ATRNL1: variants seen among roughly 807,000 people sequenced by gnomAD.
The protein encoded by ATRNL1 is attractin-like protein 1.
Under a neutral mutation model 182.7 loss-of-function variants are expected in ATRNL1, and 95 were observed. The ratio of observed to expected loss-of-function variants is 0.52; its 90% CI spans 0.44 to 0.62. The LOEUF (loss-of-function observed/expected upper bound fraction) is 0.62. Among genes scored for constraint, ATRNL1 ranks in the 20% least tolerant of loss-of-function variants. The probability of loss-of-function intolerance (pLI) is 0.00; values close to 1 mark genes in which losing one functional copy is unlikely to be tolerated. For synonymous variants in ATRNL1, 576 were observed against 568.3 expected (o/e 1.01, Z -0.19); for missense variants, 1,471 against 1,679.5 (o/e 0.88, Z 2.17).
intron 26 of ATRNL1, among the ~76,000 whole-genome samples, chr10:115,716,199 TA>T (rs1356392357): frequency 2.6e-5 from 4 of 152,270 alleles, no homozygotes; most frequent in East Asian, 3.9e-4. Flanking sequence ...AATGGAGACT[TA>T]AAAAAATTAT....
intron 20 of ATRNL1, among the ~76,000 whole-genome samples, chr10:115,415,264 T>C (rs1845334613): frequency 6.6e-6 from 1 of 152,086 alleles, no homozygotes; most frequent in African/African-American, 2.4e-5. Flanking sequence ...AGTTTTAATT[T>C]ATATTTCCAT....
chr10:115,405,666 A>T (rs1331543697), intron 20 of ATRNL1, among the ~76,000 whole-genome samples: 2 of 151,662 alleles, frequency 1.3e-5, no homozygotes, highest in Non-Finnish European at 2.9e-5. Context: ...TATAATTATA[A>T]CACACTTCAT....
At chr10:115,482,162 C>T (rs1848799767) in intron 24 of ATRNL1, among the ~76,000 whole-genome samples, 1 of 150,862 alleles carries the variant, frequency 6.6e-6, no homozygotes, top group African/African-American at 2.4e-5. Flanking sequence ...TACTTGGACT[C>T]GTGTTTCATA....
intron 25 of ATRNL1, among the ~76,000 whole-genome samples, chr10:115,533,964 A>G (rs1851783012): frequency 6.8e-6 from 1 of 146,278 alleles, no homozygotes; most frequent in Admixed American, 6.8e-5. Flanking sequence ...CTGTGGTCTG[A>G]GAGACAGTTT....
At chr10:115,526,930 C>A (rs782167120) in intron 25 of ATRNL1, among the ~76,000 whole-genome samples, 1 of 151,990 alleles carries the variant, frequency 6.6e-6, no homozygotes, top group African/African-American at 2.4e-5. Flanking sequence ...GCAAAAGTTA[C>A]CCATCAAAGG....
In ATRNL1 at chr10:115,351,739, C is replaced by CTT. The variant is rs1372862320; in HGVS notation, c.3175+17321_3175+17322dup. Reference sequence around the variant, plus strand: ...TGATATTGGCCTGTAGTTTTCTTTTCTTGTGTTTTGTTTTGTTTTGTTTTG... The same window carrying CTT: ...TGATATTGGCCTGTAGTTTTCTTTTCTTTTGTGTTTTGTTTTGTTTTGTTTTG... On this transcript the variant is annotated intron_variant, in intron 19 of 28. Transcript: ENST00000355044. Among the ~76,000 whole-genome samples, 4 of 43,792 alleles carry CTT rather than the reference C, an allele frequency of 9.1e-5. No homozygotes were observed. The East Asian group carries it at 1.0e-3, about 11-fold the overall frequency. 28.7% of individuals were successfully genotyped at this position (43,792 alleles called of 152,430 possible). A position where few individuals can be genotyped will look rare whatever the true frequency, so the allele number is the denominator to read the frequency against.
intron 27 of ATRNL1, among the ~76,000 whole-genome samples, chr10:115,751,580 T>C (rs1427015031): frequency 2.0e-5 from 3 of 152,010 alleles, no homozygotes; most frequent in African/African-American, 7.2e-5. Flanking sequence ...CTGTCAAATA[T>C]TGTAAAAAGA....
chr10:115,823,193 T>C (rs1589559075), intron 27 of ATRNL1, among the ~76,000 whole-genome samples: 2 of 152,284 alleles, frequency 1.3e-5, no homozygotes, highest in South Asian at 4.1e-4. Flanking sequence ...ATTATCTCAA[T>C]AGATGCAAAA....
intron 9 of ATRNL1, among the ~76,000 whole-genome samples, chr10:115,232,453 A>G (rs1313828142): frequency 3.3e-5 from 5 of 152,162 alleles, no homozygotes; most frequent in African/African-American, 1.2e-4. Flanking sequence ...TTTTGATAAT[A>G]ATTTTTTGTT....
At chr10:115,607,882 A>G (rs1856950897) in intron 26 of ATRNL1, among the ~76,000 whole-genome samples, 2 of 151,944 alleles carry the variant, frequency 1.3e-5, no homozygotes, top group Non-Finnish European at 2.9e-5. Context: ...CCTTCTTCGT[A>G]TATGGAAATC....
At chr10:115,922,230 T>G (rs544046833) in intron 28 of ATRNL1, among the ~76,000 whole-genome samples, 20 of 152,318 alleles carry the variant, frequency 1.3e-4, no homozygotes, top group African/African-American at 4.8e-4. Context: ...AATACTTGTC[T>G]TTTAGGAAAA....
intron 27 of ATRNL1, among the ~76,000 whole-genome samples, chr10:115,755,153 C>G (rs1367688701): frequency 6.6e-6 from 1 of 152,056 alleles, no homozygotes; most frequent in Admixed American, 6.6e-5. Context: ...TAATTGAATA[C>G]CCTTTGTTTC....
chr10:115,940,738 A>T (rs117883378), intron 28 of ATRNL1, among the ~76,000 whole-genome samples: 1 of 151,826 alleles, frequency 6.6e-6, no homozygotes, highest in Non-Finnish European at 1.5e-5. Context: ...CATACACACT[A>T]TCGAATTCAA....
chr10:115,528,037 TCTTC>T (rs782541010), intron 25 of ATRNL1, among the ~76,000 whole-genome samples: 2,240 of 53,476 alleles, frequency 0.042, 118 homozygotes, highest in Admixed American at 0.17. Flanking sequence ...CTCCTTCCTT[TCTTC>T]CTTCCTTCCT....
intron 8 of ATRNL1, among the ~76,000 whole-genome samples, chr10:115,208,063 T>C (rs1023067141): frequency 5.9e-5 from 9 of 152,086 alleles, no homozygotes; most frequent in African/African-American, 2.2e-4. Context: ...TATATTTCTT[T>C]ATAAGTTCAC....
chr10:115,182,682 A>G lies in ATRNL1; in HGVS notation c.1348+11390A>G, dbSNP rs75018322. ...AGAAAGATTTCATAGGTGAATGATT[A>G]CAGTAAGACAGGGAATATCAAAACA... On this transcript the variant is annotated intron_variant, in intron 8 of 28. Transcript: ENST00000355044. Among the ~76,000 whole-genome samples, 707 of 151,690 alleles carry G rather than the reference A, an allele frequency of 4.7e-3. 5 individuals are homozygous for G. Among genetic ancestry groups the G allele is most frequent in the African/African-American group, 0.016 (676 of 41,542 alleles).
At chr10:115,649,121 G>C (rs1859821603) in intron 26 of ATRNL1, among the ~76,000 whole-genome samples, 1 of 152,108 alleles carries the variant, frequency 6.6e-6, no homozygotes, top group Non-Finnish European at 1.5e-5. Flanking sequence ...AATTTTAAAA[G>C]TTTATAGTGA....
At chr10:115,662,126 G>A (rs528048462) in intron 26 of ATRNL1, among the ~76,000 whole-genome samples, 1 of 151,894 alleles carries the variant, frequency 6.6e-6, no homozygotes. Context: ...TTTTATGGCT[G>A]CATAGTATTC....
At chr10:115,157,220 C>A (rs1846562273) in intron 5 of ATRNL1, among the ~76,000 whole-genome samples, 1 of 151,864 alleles carries the variant, frequency 6.6e-6, no homozygotes, top group Admixed American at 6.6e-5. Context: ...TATAATTGTT[C>A]AGTATCAGAA....
Sources: allele counts gnomAD v4.1 joint callset (sites outside exome capture counted in the v4.1 genomes callset), GRCh38; gene constraint gnomAD v4.1.1; transcripts MANE v1.5; gene names NCBI Gene and HGNC (gene_info 2026-07-23, HGNC 2026-07-21).